ADGRL2: variants seen among roughly 807,000 people sequenced by gnomAD.
ADGRL2 encodes the protein calcium-independent alpha-latrotoxin receptor 2.
Under a neutral mutation model 157.4 loss-of-function variants are expected in ADGRL2, and 44 were observed. The observed-to-expected ratio is 0.28, with a 90% confidence interval of 0.22 to 0.36. The LOEUF is 0.36. Ranked by LOEUF, ADGRL2 falls within the 10% of genes least tolerant of loss-of-function variation. ADGRL2 has a pLI of 1.00. For missense variants in ADGRL2, 1,510 were observed against 1,768.9 expected, an observed-to-expected ratio of 0.85 and a Z score of 2.63; for synonymous variants, 585 against 624.7, an observed-to-expected ratio of 0.94 and a Z score of 0.95.
At chr1:81,507,868 C>G (rs894725220) in intron 2 of ADGRL2, among the ~76,000 whole-genome samples, 2 of 152,168 alleles carry the variant, frequency 1.3e-5, no homozygotes, top group African/African-American at 4.8e-5. Flanking sequence ...TTAGAGCCAG[C>G]TACATTGTCT....
intron 2 of ADGRL2, among the ~76,000 whole-genome samples, chr1:81,777,100 T>C (rs796078686): frequency 3.9e-5 from 6 of 152,296 alleles, no homozygotes; most frequent in African/African-American, 1.4e-4. Flanking sequence ...CTCTTACCAT[T>C]CAGGCTGCTG....
In ADGRL2 at chr1:81,420,487, C is replaced by A. The variant is rs142784566; in HGVS notation, c.-301-24549C>A. 1.3e-4 allele frequency among the ~76,000 whole-genome samples: 20 copies of A among 152,288 alleles called. No individual in the cohort carries two copies. In the East Asian group the frequency reaches 3.1e-3, roughly 24 times the overall value. ...TATCTTTCATGTTTGAAACCAGGAA[C>A]ACTTCTTCCCTTTGAATTGATTTCA... On this transcript the variant is annotated intron_variant, in intron 1 of 24. Coordinates refer to the ADGRL2 transcript ENST00000370721.
intron 1 of ADGRL2, among the ~76,000 whole-genome samples, chr1:81,342,089 A>G (rs924444486): frequency 2.0e-5 from 3 of 152,152 alleles, no homozygotes; most frequent in African/African-American, 4.8e-5. Context: ...TGTGAAACAA[A>G]GATTTTTTTG....
Position 81,414,907 on chromosome 1 carries a change from A to T in ADGRL2, c.-301-30129A>T, listed in dbSNP as rs2077007821. On this transcript the variant is annotated intron_variant, in intron 1 of 24. Coordinates refer to the ADGRL2 transcript ENST00000370721. ...GAAAATCTTTTGTCATTCCTGTTTG[A>T]CTCATAGGGTCTAGGAAGAAGTTTG... Among the ~76,000 whole-genome samples the T allele has an allele frequency of 3.3e-5, 5 of 152,104 alleles. No homozygotes were observed. In the South Asian group the frequency reaches 1.0e-3, roughly 32 times the overall value.
At chr1:81,892,311 A>G (rs2094288104) in intron 2 of ADGRL2, among the ~76,000 whole-genome samples, 1 of 152,118 alleles carries the variant, frequency 6.6e-6, no homozygotes, top group African/African-American at 2.4e-5. Context: ...AAGTAGTTTG[A>G]TCTCAATAAT....
intron 1 of ADGRL2, among the ~76,000 whole-genome samples, chr1:81,737,891 C>T (rs1291499880): frequency 6.6e-6 from 1 of 152,144 alleles, no homozygotes; most frequent in East Asian, 1.9e-4. Context: ...CCAGATTCTA[C>T]AAGACAGCCA....
intron 1 of ADGRL2, among the ~76,000 whole-genome samples, chr1:81,311,198 A>G (rs557228502): frequency 6.6e-6 from 1 of 152,352 alleles, no homozygotes; most frequent in Admixed American, 6.5e-5. Flanking sequence ...TTTGGTAAGC[A>G]AAACTTCATT....
At chr1:81,372,354 AG>A (rs2076174758) in intron 1 of ADGRL2, among the ~76,000 whole-genome samples, 1 of 152,240 alleles carries the variant, frequency 6.6e-6, no homozygotes, top group African/African-American at 2.4e-5. Context: ...AAAAATGTTA[AG>A]CAATGCCAAA....
chr1:81,847,220 T>G (rs2092827433), intron 2 of ADGRL2, among the ~76,000 whole-genome samples: 1 of 151,900 alleles, frequency 6.6e-6, no homozygotes, highest in South Asian at 2.1e-4. Flanking sequence ...AAACATCTTA[T>G]TTATCTAGAA....
chr1:81,346,884 T>C (rs1662518816), intron 1 of ADGRL2, among the ~76,000 whole-genome samples: 1 of 152,090 alleles, frequency 6.6e-6, no homozygotes, highest in South Asian at 2.1e-4. Context: ...TACCTAAAAA[T>C]GTGAAAGTGG....
At chr1:81,564,768 G>A (rs1386203669) in intron 2 of ADGRL2, among the ~76,000 whole-genome samples, 1 of 152,178 alleles carries the variant, frequency 6.6e-6, no homozygotes, top group African/African-American at 2.4e-5. Flanking sequence ...AGCCACCTGA[G>A]AAGCTGCCCA....
chr1:81,629,371 C>T (rs1481102532), intron 3 of ADGRL2, among the ~76,000 whole-genome samples: 2 of 151,886 alleles, frequency 1.3e-5, no homozygotes, highest in African/African-American at 4.8e-5. Flanking sequence ...TCAGATGTGA[C>T]ACTATCTAAG....
chr1:81,943,021 T>C lies in ADGRL2; in HGVS notation c.462T>C (p.Tyr154=). 1 of 1,613,302 alleles carries C rather than the reference T, an allele frequency of 6.2e-7. No individual in the cohort carries two copies. Among genetic ancestry groups the C allele is most frequent in the Non-Finnish European group, 8.5e-7 (1 of 1,179,430 alleles). Residue 154 remains tyrosine, a synonymous_variant, in exon 6 of 24, where the codon TAT becomes TAC. Transcript: ENST00000686636. The surrounding 1 kb of genome is among the most constrained non-coding windows in gnomAD (Gnocchi z 5.6). ...LKAIVDSPCI[Y]EAEQKAGAWC... ...CAATTGTGGACTCACCATGTATATA[T>C]GAAGCTGAACAAAAGGCGGGTGCTT...
intron 3 of ADGRL2, among the ~76,000 whole-genome samples, chr1:81,637,668 A>C (rs955611686): frequency 2.0e-5 from 3 of 152,048 alleles, no homozygotes; most frequent in Admixed American, 2.0e-4. Context: ...AGAAATAATT[A>C]TTTTTAGACA....
At chr1:81,952,516 C>G (rs1471316011) in intron 9 of ADGRL2, among the ~76,000 whole-genome samples, 1 of 152,124 alleles carries the variant, frequency 6.6e-6, no homozygotes, top group East Asian at 1.9e-4. Flanking sequence ...AATTTTGACA[C>G]ATATAGGAAT....
At chr1:81,778,665 C>T (rs1366987935) in intron 2 of ADGRL2, among the ~76,000 whole-genome samples, 2 of 152,120 alleles carry the variant, frequency 1.3e-5, no homozygotes, top group Non-Finnish European at 2.9e-5. Flanking sequence ...TTTGAACATA[C>T]GGCATTCCTC....
At chr1:81,636,650 C>A (rs888422774) in intron 3 of ADGRL2, among the ~76,000 whole-genome samples, 1 of 151,912 alleles carries the variant, frequency 6.6e-6, no homozygotes, top group Non-Finnish European at 1.5e-5. Context: ...AAACTGAGCT[C>A]GCCAGAACCA....
intron 2 of ADGRL2, among the ~76,000 whole-genome samples, chr1:81,895,142 G>T (rs1232933609): frequency 6.6e-6 from 1 of 152,092 alleles, no homozygotes; most frequent in Admixed American, 6.6e-5. Context: ...TTAGTCTTCG[G>T]ATTCAGAGAA....
intron 11 of ADGRL2, among the ~76,000 whole-genome samples, chr1:81,956,772 A>G (rs1035370355): frequency 4.5e-4 from 68 of 152,324 alleles, no homozygotes; most frequent in African/African-American, 1.5e-3. Flanking sequence ...AGTGAAGTAA[A>G]AAGCTTCCCA....
Sources: gnomAD v4.1 joint callset for allele counts (sites outside exome capture counted in the v4.1 genomes callset) on GRCh38, gnomAD v4.1.1 for gene constraint, Gnocchi (gnomAD v3.1) non-coding constraint, MANE v1.5 for transcripts, NCBI Gene and HGNC (gene_info 2026-07-23, HGNC 2026-07-21) for gene names.